KCNQ5: variants seen among roughly 807,000 people sequenced by gnomAD.
The protein encoded by KCNQ5 is potassium voltage-gated channel subfamily KQT member 5.
KCNQ5 carries 30 observed loss-of-function variants against 98.2 expected under a neutral mutation model. The ratio of observed to expected loss-of-function variants is 0.31; its 90% CI spans 0.23 to 0.41. The LOEUF (loss-of-function observed/expected upper bound fraction) is 0.41. Ranked by LOEUF, KCNQ5 falls within the 10% of genes least tolerant of loss-of-function variation. The probability of loss-of-function intolerance (pLI) is 1.00; values close to 1 mark genes in which losing one functional copy is unlikely to be tolerated. For missense variants in KCNQ5, 835 were observed against 1,182.5 expected, an observed-to-expected ratio of 0.71 and a Z score of 4.31; for synonymous variants, 458 against 449.4, an observed-to-expected ratio of 1.02 and a Z score of -0.24.
chr6:73,113,295 C>T (rs1044426017), intron 7 of KCNQ5, among the ~76,000 whole-genome samples: 1 of 152,234 alleles, frequency 6.6e-6, no homozygotes, highest in African/African-American at 2.4e-5. Context: ...GGGTTCCTTT[C>T]ATCCGTCTGA....
At chr6:72,874,634 A>G (rs962648005) in intron 1 of KCNQ5, among the ~76,000 whole-genome samples, 1 of 152,176 alleles carries the variant, frequency 6.6e-6, no homozygotes, top group African/African-American at 2.4e-5. Flanking sequence ...TAATAATAAC[A>G]GCTACATTTT....
At chr6:72,985,877 C>T (rs1768749812) in intron 1 of KCNQ5, among the ~76,000 whole-genome samples, 1 of 152,200 alleles carries the variant, frequency 6.6e-6, no homozygotes, top group African/African-American at 2.4e-5. Context: ...CATTGCTGCA[C>T]TATTCACAAC....
At chr6:72,693,421 T>C (rs1266720321) in intron 1 of KCNQ5, among the ~76,000 whole-genome samples, 1 of 152,154 alleles carries the variant, frequency 6.6e-6, no homozygotes, top group African/African-American at 2.4e-5. Context: ...ATTTGAACCT[T>C]AGCGCTGGTA....
At chr6:72,874,759 C>T (rs946625306) in intron 1 of KCNQ5, among the ~76,000 whole-genome samples, 2 of 152,142 alleles carry the variant, frequency 1.3e-5, no homozygotes, top group South Asian at 2.1e-4. Flanking sequence ...AACAAGATTT[C>T]GGTCCCTAGC....
chr6:72,788,822 A>G (rs954492939), intron 1 of KCNQ5, among the ~76,000 whole-genome samples: 1 of 152,128 alleles, frequency 6.6e-6, no homozygotes, highest in Non-Finnish European at 1.5e-5. Context: ...TTAAGGTAGG[A>G]TATTACTTAA....
At chr6:72,648,522 C>G (rs1237080294) in intron 1 of KCNQ5, among the ~76,000 whole-genome samples, 1 of 151,666 alleles carries the variant, frequency 6.6e-6, no homozygotes, top group African/African-American at 2.4e-5. Context: ...ACGAACTATG[C>G]AATATTTTAA....
intron 2 of KCNQ5, among the ~76,000 whole-genome samples, chr6:73,008,229 CAA>C (rs1203215027): frequency 6.6e-6 from 1 of 151,766 alleles, no homozygotes; most frequent in East Asian, 1.9e-4. Context: ...ATATGTAAAA[CAA>C]AGAGCAAAAT....
rs555897879 is a variant in KCNQ5 at position 72,774,550 on chromosome 6, G to A, written c.398+151963G>A. On this transcript the variant is annotated intron_variant, in intron 1 of 13. Coordinates refer to ENST00000370398, the MANE Select transcript of KCNQ5 (RefSeq NM_019842.4). ...AAGATTATGAAAAGGCAATCCACAC[G>A]GTGAAAGAAGATATTCAAAATACAT... Among the ~76,000 whole-genome samples, 47 of 151,724 alleles carry A rather than the reference G, an allele frequency of 3.1e-4. 3 individuals are homozygous for A. Among genetic ancestry groups the A allele is most frequent in the African/African-American group, 1.0e-3 (42 of 41,350 alleles).
chr6:72,995,542 G>A (rs1769256384), intron 1 of KCNQ5, among the ~76,000 whole-genome samples: 1 of 152,148 alleles, frequency 6.6e-6, no homozygotes, highest in African/African-American at 2.4e-5. Context: ...GCAAAGCACT[G>A]ATAAGTGCTT....
rs184287438 is a variant in KCNQ5, at chr6:73,047,499, A to G, written c.616+5437A>G. Among the ~76,000 whole-genome samples, 3 of 152,322 alleles carry G rather than the reference A, an allele frequency of 2.0e-5. No homozygotes were observed. In the East Asian group the frequency reaches 5.8e-4, roughly 29 times the overall value. ...TAATAAACTATCGGTAATTTAGATA[A>G]TTGTTGACCTGGTACACAAACTTGA... On this transcript the variant is annotated intron_variant, in intron 3 of 13. Coordinates refer to ENST00000370398, the MANE Select transcript of KCNQ5 (RefSeq NM_019842.4).
intron 1 of KCNQ5, among the ~76,000 whole-genome samples, chr6:72,951,198 C>CA (rs1766786481): frequency 1.3e-5 from 2 of 152,148 alleles, no homozygotes; most frequent in African/African-American, 2.4e-5. Flanking sequence ...TCTCTTCCCT[C>CA]AAAAAATTAT....
chr6:73,025,902 T>C (rs946357390), intron 2 of KCNQ5, among the ~76,000 whole-genome samples: 2 of 152,216 alleles, frequency 1.3e-5, no homozygotes, highest in African/African-American at 4.8e-5. Flanking sequence ...TAGTATTCAC[T>C]TGAAAGTTCT....
chr6:72,813,325 A>T (rs1393248266), intron 1 of KCNQ5, among the ~76,000 whole-genome samples: 3 of 151,920 alleles, frequency 2.0e-5, no homozygotes, highest in Admixed American at 6.6e-5. Flanking sequence ...TTTATTTTTT[A>T]TTTTTTTCCA....
At chr6:72,697,302 T>C (rs988744677) in intron 1 of KCNQ5, among the ~76,000 whole-genome samples, 4 of 152,104 alleles carry the variant, frequency 2.6e-5, no homozygotes, top group East Asian at 3.8e-4. Flanking sequence ...TGGGTACCAA[T>C]TGAACTGTGG....
intron 9 of KCNQ5, among the ~76,000 whole-genome samples, chr6:73,124,946 T>G (rs1290348937): frequency 1.3e-4 from 1 of 7,634 alleles, no homozygotes; most frequent in Non-Finnish European, 2.5e-4. Flanking sequence ...GATATATATA[T>G]ATATATATAT....
intron 1 of KCNQ5, among the ~76,000 whole-genome samples, chr6:72,745,269 T>G (rs1021758581): frequency 1.3e-5 from 2 of 152,226 alleles, no homozygotes; most frequent in Non-Finnish European, 2.9e-5. Context: ...AATTATTGGC[T>G]CCTTCGTACT....
intron 1 of KCNQ5, among the ~76,000 whole-genome samples, chr6:72,642,438 G>T (rs1565051441): frequency 6.6e-6 from 1 of 151,800 alleles, no homozygotes; most frequent in Non-Finnish European, 1.5e-5. Context: ...TATCACCCAG[G>T]CATTAAGTCC....
chr6:72,812,809 A>G (rs369631565), intron 1 of KCNQ5, among the ~76,000 whole-genome samples: 1 of 152,240 alleles, frequency 6.6e-6, no homozygotes, highest in East Asian at 1.9e-4. Flanking sequence ...AACAAGTGAC[A>G]GCAAATTACA....
intron 11 of KCNQ5, among the ~76,000 whole-genome samples, chr6:73,183,491 G>A (rs1215097806): frequency 5.3e-5 from 8 of 152,094 alleles, no homozygotes; most frequent in South Asian, 2.1e-4. Flanking sequence ...TTGTATCCCC[G>A]CCATCCAGCT....
Sources: allele counts gnomAD v4.1 joint callset (sites outside exome capture counted in the v4.1 genomes callset), GRCh38; gene constraint gnomAD v4.1.1; transcripts MANE v1.5; gene names NCBI Gene and HGNC (gene_info 2026-07-23, HGNC 2026-07-21).